Variants in RYR3 observed in about 807,000 individuals in gnomAD.
RYR3 encodes ryanodine receptor 3, also known as brain ryanodine receptor-calcium release channel.
A neutral mutation model predicts 584.3 loss-of-function variants in RYR3; 207 were observed. The observed-to-expected ratio is 0.35, with a 90% confidence interval of 0.32 to 0.40. RYR3 has a LOEUF of 0.40. Among genes scored for constraint, RYR3 ranks in the 10% least tolerant of loss-of-function variants. The probability of loss-of-function intolerance (pLI) is 1.00; values close to 1 mark genes in which losing one functional copy is unlikely to be tolerated. For missense variants in RYR3, 5,616 were observed against 6,089.2 expected (o/e 0.92, Z 2.59); for synonymous variants, 2,416 against 2,248.5 (o/e 1.07, Z -2.11).
intron 1 of RYR3, among the ~76,000 whole-genome samples, chr15:33,337,764 A>G (rs1394412601): frequency 6.6e-6 from 1 of 152,088 alleles, no homozygotes; most frequent in Non-Finnish European, 1.5e-5. Context: ...CTCCCAGTGG[A>G]GCCTCTAAAC....
chr15:33,825,774 T>C (rs1276420035), intron 82 of RYR3, 98 bp downstream of exon 82: 25 of 759,522 alleles, frequency 3.3e-5, no homozygotes, highest in Non-Finnish European at 4.5e-5. Context: ...CTCTTGTTGC[T>C]CAGGCTGGAC....
intron 69 of RYR3, among the ~76,000 whole-genome samples, chr15:33,806,197 G>A (rs2076198883): frequency 6.6e-6 from 1 of 152,090 alleles, no homozygotes; most frequent in East Asian, 1.9e-4. Context: ...CCCTTGTGAT[G>A]TGTCCTCAAA....
intron 14 of RYR3, among the ~76,000 whole-genome samples, chr15:33,583,346 G>A (rs1043459992): frequency 4.6e-5 from 7 of 152,282 alleles, no homozygotes; most frequent in East Asian, 1.9e-4. Flanking sequence ...TTCCTTTAGC[G>A]CTGAAGATTA....
intron 64 of RYR3, among the ~76,000 whole-genome samples, chr15:33,778,170 A>AAAATAAATAAATAAATAAAT (rs112695825): frequency 0.048 from 7,080 of 148,240 alleles, 233 homozygotes; most frequent in Non-Finnish European, 0.069. Context: ...ACTCTGTCTC[A>AAAATAAATAAATAAATAAAT]AAATAAATAA....
intron 1 of RYR3, among the ~76,000 whole-genome samples, chr15:33,326,326 A>G (rs1969697588): frequency 6.6e-6 from 1 of 152,214 alleles, no homozygotes; most frequent in Non-Finnish European, 1.5e-5. Context: ...TTTGTTGAGT[A>G]CTTACTATGT....
chr15:33,811,022 G>C lies in RYR3; in HGVS notation c.10242G>C (p.Leu3414Phe), dbSNP rs1292977916. 6.2e-7 allele frequency: 1 copy of C among 1,608,742 alleles called. No homozygotes were observed. The change falls in exon 72 of 104, where the codon TTG becomes TTC. Residue 3414 changes from leucine (L) to phenylalanine (F), a missense_variant. Around this residue, in one of 9 missense-constraint regions of RYR3, gnomAD observed 954 missense variants for 1,132.2 expected, o/e 0.84. Coordinates refer to ENST00000634891, the MANE Select transcript of RYR3 (RefSeq NM_001036.6). The part of the protein sequence containing the change: ...EEVREHLRNN[L>F]HLQEKSDDPA... ...TCAGAGAACATCTGCGGAACAACTT[G>C]CACTTGCAGGAAAAGGTGATGACTC...
intron 16 of RYR3, among the ~76,000 whole-genome samples, chr15:33,600,261 A>G (rs1245772288): frequency 6.6e-6 from 1 of 152,156 alleles, no homozygotes; most frequent in Non-Finnish European, 1.5e-5. Context: ...TACAAATGCC[A>G]TGAACACCTT....
intron 5 of RYR3, 60 bp from the exon 6 acceptor site, chr15:33,539,290 G>A (rs2055603452): frequency 5.4e-6 from 6 of 1,110,972 alleles, no homozygotes; most frequent in South Asian, 4.0e-5. Flanking sequence ...AGAACAAGGA[G>A]CAAAATTAGG....
At chr15:33,503,390 T>C (rs1223970174) in intron 2 of RYR3, among the ~76,000 whole-genome samples, 1 of 152,182 alleles carries the variant, frequency 6.6e-6, no homozygotes, top group Non-Finnish European at 1.5e-5. Context: ...ACCACCAGCC[T>C]TCCCTCAAGT....
intron 28 of RYR3, among the ~76,000 whole-genome samples, chr15:33,644,945 G>A (rs1046304785): frequency 1.3e-5 from 2 of 151,966 alleles, no homozygotes; most frequent in Middle Eastern, 6.8e-3. Context: ...TCGGGAGTTC[G>A]AGGCTGCAGT....
intron 14 of RYR3, among the ~76,000 whole-genome samples, chr15:33,582,740 A>G (rs926300888): frequency 3.3e-5 from 5 of 152,288 alleles, no homozygotes; most frequent in African/African-American, 1.2e-4. Flanking sequence ...TCTTATGCTT[A>G]ACTTCCTTGC....
chr15:33,540,282 A>G (rs1056697832), intron 6 of RYR3, among the ~76,000 whole-genome samples: 5 of 152,170 alleles, frequency 3.3e-5, no homozygotes, highest in Non-Finnish European at 7.4e-5. Flanking sequence ...GACATGGGGT[A>G]TCACAGAGAG....
At chr15:33,696,163 A>G in intron 38 of RYR3, 55 bp from the exon 39 acceptor site, 1 of 1,543,280 alleles carries the variant, frequency 6.5e-7, no homozygotes, top group Non-Finnish European at 8.8e-7. Flanking sequence ...TGAAACACCC[A>G]GCTCTCCCTG....
intron 89 of RYR3, among the ~76,000 whole-genome samples, chr15:33,839,451 A>G (rs1319743582): frequency 6.6e-6 from 1 of 152,164 alleles, no homozygotes; most frequent in Admixed American, 6.5e-5. Flanking sequence ...TTAGTACTTC[A>G]TGTCAGTCAA....
At chr15:33,704,376 GGAGT>G (rs1381471276) in intron 42 of RYR3, among the ~76,000 whole-genome samples, 5 of 152,122 alleles carry the variant, frequency 3.3e-5, no homozygotes, top group African/African-American at 1.2e-4. Context: ...AGCTGCAAAC[GGAGT>G]AAGTGAAAAT....
intron 50 of RYR3, among the ~76,000 whole-genome samples, chr15:33,739,297 T>A (rs143444282): frequency 6.6e-6 from 1 of 152,354 alleles, no homozygotes; most frequent in African/African-American, 2.4e-5. Context: ...TGGTCTAGTA[T>A]AAGCAGATCA....
rs558894957 is a variant in RYR3 at position 33,508,893 on chromosome 15, A to G, written c.279+5155A>G. ...AGTGAAATGGTGTGGCACATTTGTC[A>G]TATGTTACTGCTTCTTGAAGATGAC... On this transcript the variant is annotated intron_variant, in intron 3 of 103. Coordinates refer to ENST00000634891, the MANE Select transcript of RYR3 (RefSeq NM_001036.6). 2.0e-4 allele frequency among the ~76,000 whole-genome samples: 31 copies of G among 152,328 alleles called. 1 individual carries two copies. The highest frequency in any genetic ancestry group is 7.5e-4 in the African/African-American group (31 of 41,570).
At position 33,646,537 on chromosome 15, in the gene RYR3, G is replaced by A. The variant is rs1480860594; in HGVS notation, c.3941+11G>A. On this transcript the variant is annotated intron_variant, in intron 29 of 103. Coordinates refer to ENST00000634891, the MANE Select transcript of RYR3 (RefSeq NM_001036.6). Reference sequence around the variant, plus strand: ...AGCTTTCCAGAAAAGGTGAGGGTGAGGCCTCCAGTTCTCAGAGGCACTCAT... The same window carrying A: ...AGCTTTCCAGAAAAGGTGAGGGTGAAGCCTCCAGTTCTCAGAGGCACTCAT... 4.4e-6 allele frequency: 7 copies of A among 1,601,318 alleles called. No individual in the cohort carries two copies. Among genetic ancestry groups the A allele is most frequent in the Non-Finnish European group, 6.0e-6 (7 of 1,171,500 alleles).
chr15:33,752,617 A>T (rs1030686199), intron 57 of RYR3, among the ~76,000 whole-genome samples: 1 of 152,178 alleles, frequency 6.6e-6, no homozygotes, highest in African/African-American at 2.4e-5. Flanking sequence ...TTATCAACTT[A>T]AGGAGATTTG....
Sources: gnomAD v4.1 joint callset for allele counts (sites outside exome capture counted in the v4.1 genomes callset) on GRCh38, gnomAD v4.1.1 for gene constraint, gnomAD v4.1.1 regional missense constraint, MANE v1.5 for transcripts, NCBI Gene and HGNC (gene_info 2026-07-23, HGNC 2026-07-21) for gene names.